Variants in CCDC18 observed in about 807,000 individuals in gnomAD.
The protein encoded by CCDC18 is coiled-coil domain containing 18, also known as coiled-coil domain-containing protein 18.
CCDC18 carries 157 observed loss-of-function variants against 196.0 expected under a neutral mutation model. The ratio of observed to expected loss-of-function variants is 0.80; its 90% CI spans 0.70 to 0.91. The LOEUF (loss-of-function observed/expected upper bound fraction) is 0.91. CCDC18 is among the 40% of genes least tolerant of loss of function. CCDC18 has a pLI of 0.00. For synonymous variants in CCDC18, 482 were observed against 529.2 expected, an observed-to-expected ratio of 0.91 and a Z score of 1.22; for missense variants, 1,465 against 1,611.6, an observed-to-expected ratio of 0.91 and a Z score of 1.56.
intron 21 of CCDC18, 57 bp downstream of exon 21, chr1:93,239,953 A>C: frequency 8.4e-7 from 1 of 1,196,816 alleles, no homozygotes; most frequent in Non-Finnish European, 1.2e-6. Flanking sequence ...TAATACAATA[A>C]AATATGTTGT....
chr1:93,256,639 G>T, intron 25 of CCDC18, 101 bp downstream of exon 25: 1 of 917,184 alleles, frequency 1.1e-6, no homozygotes, highest in African/African-American at 1.7e-5. Flanking sequence ...GAACTGTATT[G>T]CACAACAGTG....
At chr1:93,228,507 TAAA>T (rs34585083) in intron 17 of CCDC18, among the ~76,000 whole-genome samples, 2 of 141,658 alleles carry the variant, frequency 1.4e-5, no homozygotes, top group African/African-American at 2.5e-5. Flanking sequence ...CTTAGAAGTT[TAAA>T]AAAAAAAAAA....
upstream of CCDC18, chr1:93,179,929 C>A: frequency 9.2e-7 from 1 of 1,086,020 alleles, no homozygotes; most frequent in Non-Finnish European, 1.3e-6. Flanking sequence ...AGCGGGCTGG[C>A]TTCCTGAACG....
intron 11 of CCDC18, among the ~76,000 whole-genome samples, chr1:93,212,674 G>C (rs1655842893): frequency 2.0e-5 from 3 of 152,132 alleles, no homozygotes; most frequent in Non-Finnish European, 2.9e-5. Context: ...AGAATTATTA[G>C]ACTTTGTATC....
At chr1:93,202,308 A>G (rs74101458) in intron 7 of CCDC18, among the ~76,000 whole-genome samples, 13,597 of 152,260 alleles carry the variant, frequency 0.089, 1,994 homozygotes, top group African/African-American at 0.31. Context: ...TATCACTTCA[A>G]TGAAAATGAA....
upstream of CCDC18, chr1:93,180,287 T>C (rs753644340): frequency 1.3e-6 from 2 of 1,554,292 alleles, no homozygotes; most frequent in South Asian, 1.2e-5. Flanking sequence ...CAGGTACTGT[T>C]GTCTCCGCTC....
chr1:93,212,142 A>G lies in CCDC18; in HGVS notation c.1376A>G (p.His459Arg), dbSNP rs1366860141. The change falls in exon 11 of 29, where the codon CAT becomes CGT. Residue 459 changes from histidine to arginine, a missense_variant. Physicochemically the swap from His to Arg is conservative, Grantham distance 29 (BLOSUM62 0). Transcript: ENST00000690025. ...AIKEAEIQKLHANLTANQLSQ... is the reference protein window; with the variant it reads ...AIKEAEIQKLRANLTANQLSQ... ...AAAGAGGCAGAAATTCAAAAGCTTCATGCAAACCTGACTGCAAATCAGTTA... is the reference window on the plus strand; with the variant it reads ...AAAGAGGCAGAAATTCAAAAGCTTCGTGCAAACCTGACTGCAAATCAGTTA... The G allele has an allele frequency of 6.2e-7, 1 of 1,608,914 alleles. No homozygotes were observed. Among genetic ancestry groups the G allele is most frequent in the South Asian group, 1.1e-5 (1 of 89,398 alleles).
intron 23 of CCDC18, among the ~76,000 whole-genome samples, chr1:93,251,215 A>G (rs955224299): frequency 7.2e-5 from 11 of 152,246 alleles, no homozygotes; most frequent in African/African-American, 2.7e-4. Flanking sequence ...AAAACAAAAA[A>G]AAGTAAAAAC....
intron 28 of CCDC18, among the ~76,000 whole-genome samples, chr1:93,274,978 C>G (rs1263454577): frequency 6.6e-6 from 1 of 152,192 alleles, no homozygotes; most frequent in Non-Finnish European, 1.5e-5. Flanking sequence ...ATACTCATAA[C>G]TTTAAGCTCA....
rs1285018647 is a variant in CCDC18 at position 93,201,981 on chromosome 1, T to C, written c.788T>C (p.Leu263Pro). The change falls in exon 7 of 29, where the codon CTG becomes CCG. Residue 263 changes from leucine (L) to proline (P), a missense_variant. Transcript: ENST00000690025. ...TATAAAAAAAAAGTGGCTGAAAAAC[T>C]GGAAAAGGTAAAAGGCAGTTGTGCA... ...QQYKKKVAEKLEKVQAEEEIL... is the reference protein window; with the variant it reads ...QQYKKKVAEKPEKVQAEEEIL... The C allele has an allele frequency of 6.2e-6, 10 of 1,604,612 alleles. No individual in the cohort carries two copies. Among genetic ancestry groups the C allele is most frequent in the Middle Eastern group, 3.3e-4 (2 of 6,026 alleles).
intron 12 of CCDC18, 48 bp downstream of exon 12, chr1:93,215,014 C>A: frequency 8.3e-7 from 1 of 1,208,338 alleles, no homozygotes; most frequent in African/African-American, 1.5e-5. Context: ...TGAACTAGAA[C>A]AAAAGGTATT....
At chr1:93,202,352 A>G (rs1255354267) in intron 7 of CCDC18, among the ~76,000 whole-genome samples, 1 of 152,252 alleles carries the variant, frequency 6.6e-6, no homozygotes, top group Non-Finnish European at 1.5e-5. Context: ...GGTCTCCCTC[A>G]GTCTGCTACT....
chr1:93,224,656 T>A (rs907537679), intron 16 of CCDC18, among the ~76,000 whole-genome samples: 4 of 152,254 alleles, frequency 2.6e-5, no homozygotes, highest in Admixed American at 2.0e-4. Context: ...TTTAAGGGCA[T>A]ACATTTTCAT....
At chr1:93,275,982 G>C (rs550086867) in intron 28 of CCDC18, among the ~76,000 whole-genome samples, 1 of 152,336 alleles carries the variant, frequency 6.6e-6, no homozygotes, top group South Asian at 2.1e-4. Flanking sequence ...CCAGCTACCT[G>C]GGTCTGGATA....
intron 7 of CCDC18, 61 bp downstream of exon 7, chr1:93,202,049 G>A (rs1653923816): frequency 1.1e-6 from 1 of 916,776 alleles, no homozygotes; most frequent in Non-Finnish European, 1.7e-6. Context: ...AACAGTAAAG[G>A]TAGGAATAAT....
At chr1:93,260,277 A>G (rs995845763) in intron 26 of CCDC18, among the ~76,000 whole-genome samples, 1 of 152,280 alleles carries the variant, frequency 6.6e-6, no homozygotes, top group Non-Finnish European at 1.5e-5. Flanking sequence ...CCAGCTACTC[A>G]GGAGGCTAAG....
At chr1:93,277,841 T>A (rs1031976381) in intron 28 of CCDC18, among the ~76,000 whole-genome samples, 4 of 152,178 alleles carry the variant, frequency 2.6e-5, no homozygotes, top group African/African-American at 9.7e-5. Flanking sequence ...CATCCTTGTT[T>A]ATTGTGCTCT....
rs1441833269 is a variant in CCDC18, at chr1:93,260,996, A to T, written c.3684+2111A>T. Among the ~76,000 whole-genome samples, 5 of 152,174 alleles carry T rather than the reference A, an allele frequency of 3.3e-5. No individual in the cohort carries two copies. In the East Asian group the frequency reaches 9.7e-4, roughly 29 times the overall value. ...GTATTCCATGGTGTATATGTGCCACATTTTCTTTATCCAGTCTATTATTGA... is the reference window on the plus strand; with the variant it reads ...GTATTCCATGGTGTATATGTGCCACTTTTTCTTTATCCAGTCTATTATTGA... On this transcript the variant is annotated intron_variant, in intron 26 of 28. Coordinates refer to ENST00000690025, the MANE Select transcript of CCDC18 (RefSeq NM_001378204.1).
At chr1:93,212,688 C>T (rs1348070299) in intron 11 of CCDC18, among the ~76,000 whole-genome samples, 4 of 152,136 alleles carry the variant, frequency 2.6e-5, no homozygotes, top group Admixed American at 6.5e-5. Context: ...TTGTATCATT[C>T]GTTAATGAAG....
Sources: allele counts gnomAD v4.1 joint callset (sites outside exome capture counted in the v4.1 genomes callset), GRCh38; gene constraint gnomAD v4.1.1; transcripts MANE v1.5; gene names NCBI Gene and HGNC (gene_info 2026-07-23, HGNC 2026-07-21).